The following NLGN1 variants were observed in gnomAD, a reference collection of about 807,000 sequenced individuals.
NLGN1 encodes the protein neuroligin 1.
Under a neutral mutation model 65.5 loss-of-function variants are expected in NLGN1, and 12 were observed. That is an observed-to-expected ratio of 0.18 (90% CI 0.12 to 0.30). NLGN1 has a LOEUF of 0.30. Among genes scored for constraint, NLGN1 ranks in the 10% least tolerant of loss-of-function variants. The pLI, the probability that NLGN1 is intolerant of heterozygous loss-of-function variation, is 1.00. For missense variants in NLGN1, 750 were observed against 1,007.1 expected (o/e 0.74, Z 3.46); for synonymous variants, 350 against 359.5 (o/e 0.97, Z 0.30).
At chr3:173,528,631 A>AGTAGAGACAAGG (rs1736047372) in intron 2 of NLGN1, among the ~76,000 whole-genome samples, 1 of 151,936 alleles carries the variant, frequency 6.6e-6, no homozygotes, top group Admixed American at 6.6e-5. Context: ...GGCTTTGTTT[A>AGTAGAGACAAGG]TTTTTTAAAA....
intron 4 of NLGN1, among the ~76,000 whole-genome samples, chr3:174,081,835 T>C (rs1188790279): frequency 6.6e-6 from 1 of 152,114 alleles, no homozygotes; most frequent in Non-Finnish European, 1.5e-5. Context: ...CCTCCCAAAG[T>C]GCTGGGATTA....
At chr3:174,248,276 ATTTCT>A (rs1008059088) in intron 4 of NLGN1, among the ~76,000 whole-genome samples, 2 of 152,150 alleles carry the variant, frequency 1.3e-5, no homozygotes, top group Non-Finnish European at 2.9e-5. Context: ...TATATGGATG[ATTTCT>A]TTTCTTTCCC....
chr3:174,226,961 A>G (rs562010846), intron 4 of NLGN1, among the ~76,000 whole-genome samples: 4 of 152,200 alleles, frequency 2.6e-5, no homozygotes, highest in Non-Finnish European at 5.9e-5. Context: ...TATTACTGGT[A>G]TACAAAAAAT....
intron 3 of NLGN1, among the ~76,000 whole-genome samples, chr3:173,630,548 C>T (rs1400291290): frequency 2.0e-5 from 3 of 151,954 alleles, no homozygotes; most frequent in African/African-American, 7.2e-5. Context: ...GTACATCTTA[C>T]TGACCTTTAA....
At chr3:174,100,832 GAA>G (rs1404411952) in intron 4 of NLGN1, among the ~76,000 whole-genome samples, 1 of 151,834 alleles carries the variant, frequency 6.6e-6, no homozygotes, top group African/African-American at 2.4e-5. Context: ...GTTCACCAGA[GAA>G]AGTCTCAATT....
chr3:174,182,011 C>T (rs978047862), intron 4 of NLGN1, among the ~76,000 whole-genome samples: 11 of 149,622 alleles, frequency 7.4e-5, no homozygotes, highest in Non-Finnish European at 5.9e-5. Context: ...AGAATGTCTC[C>T]GAATAAACTT....
downstream of NLGN1, among the ~76,000 whole-genome samples, chr3:174,289,969 G>GTGTATATATATATGTATA (rs1561498270): frequency 3.0e-5 from 4 of 133,748 alleles, no homozygotes; most frequent in East Asian, 8.8e-4. Context: ...ATATATATAT[G>GTGTATATATATATGTATA]TATATATATA....
intron 4 of NLGN1, among the ~76,000 whole-genome samples, chr3:173,968,823 T>G (rs114140785): frequency 0.015 from 2,272 of 148,974 alleles, 63 homozygotes; most frequent in African/African-American, 0.052. Context: ...CTCAGCTTCC[T>G]GAGCAGCTGA....
At chr3:173,693,923 C>T (rs1320956574) in intron 3 of NLGN1, among the ~76,000 whole-genome samples, 2 of 151,804 alleles carry the variant, frequency 1.3e-5, no homozygotes, top group Non-Finnish European at 2.9e-5. Context: ...TTAATTCATG[C>T]TACAAATTAA....
chr3:174,117,867 A>C (rs1238488464), intron 4 of NLGN1, among the ~76,000 whole-genome samples: 1 of 152,218 alleles, frequency 6.6e-6, no homozygotes, highest in Non-Finnish European at 1.5e-5. Context: ...CCATTAAAAA[A>C]TGCCCTTTAT....
intron 3 of NLGN1, among the ~76,000 whole-genome samples, chr3:173,650,516 T>C (rs1199411107): frequency 6.6e-6 from 1 of 152,206 alleles, no homozygotes; most frequent in Non-Finnish European, 1.5e-5. Flanking sequence ...TGTCAAACTT[T>C]AAAGTTTGCA....
intron 3 of NLGN1, among the ~76,000 whole-genome samples, chr3:173,717,200 T>G (rs1455630038): frequency 6.6e-6 from 1 of 152,184 alleles, no homozygotes; most frequent in African/African-American, 2.4e-5. Context: ...GAGTGAACTT[T>G]TTTGTCTTTA....
intron 4 of NLGN1, among the ~76,000 whole-genome samples, chr3:174,067,376 A>C (rs1470557542): frequency 6.6e-6 from 1 of 152,184 alleles, no homozygotes; most frequent in East Asian, 1.9e-4. Context: ...CCAACTATTT[A>C]GAAATAGTTG....
intron 2 of NLGN1, among the ~76,000 whole-genome samples, chr3:173,490,939 G>T (rs1198940119): frequency 6.6e-6 from 1 of 150,714 alleles, no homozygotes; most frequent in Non-Finnish European, 1.5e-5. Context: ...TTTGCACATT[G>T]ATTTTGTATC....
intron 2 of NLGN1, among the ~76,000 whole-genome samples, chr3:173,581,401 T>A (rs951141437): frequency 1.3e-5 from 2 of 152,064 alleles, no homozygotes; most frequent in African/African-American, 4.8e-5. Flanking sequence ...AATTTCAGCT[T>A]ATGGCTACTC....
At chr3:173,995,657 CT>C (rs1722114026) in intron 4 of NLGN1, among the ~76,000 whole-genome samples, 1 of 147,650 alleles carries the variant, frequency 6.8e-6, no homozygotes, top group South Asian at 2.2e-4. Context: ...TTTTCTTTTT[CT>C]TTCATTCTTT....
intron 3 of NLGN1, among the ~76,000 whole-genome samples, chr3:173,778,324 G>A (rs1780619766): frequency 6.6e-6 from 1 of 151,626 alleles, no homozygotes; most frequent in Non-Finnish European, 1.5e-5. Context: ...TTCTACCATT[G>A]TTAATTTTTT....
At chr3:174,047,120 TA>T (rs1160081010) in intron 4 of NLGN1, among the ~76,000 whole-genome samples, 1 of 152,010 alleles carries the variant, frequency 6.6e-6, no homozygotes, top group Non-Finnish European at 1.5e-5. Flanking sequence ...CACAAAACAA[TA>T]TTGCTGATAT....
chr3:174,254,474 G>A (rs945937042), intron 4 of NLGN1, among the ~76,000 whole-genome samples: 10 of 151,770 alleles, frequency 6.6e-5, no homozygotes, highest in Non-Finnish European at 1.3e-4. Context: ...CTCTCTACCT[G>A]TGTTTCTAGA....
Sources: allele counts gnomAD v4.1 joint callset (sites outside exome capture counted in the v4.1 genomes callset), GRCh38; gene constraint gnomAD v4.1.1; transcripts MANE v1.5; gene names NCBI Gene and HGNC (gene_info 2026-07-23, HGNC 2026-07-21).